The following MTMR6 variants were observed in gnomAD, a reference collection of about 807,000 sequenced individuals.
MTMR6 encodes the protein myotubularin related protein 6.
MTMR6 carries 47 observed loss-of-function variants against 80.1 expected under a neutral mutation model. The observed-to-expected ratio is 0.59, with a 90% CI of 0.46 to 0.75. The LOEUF is 0.75. Ranked by LOEUF, MTMR6 falls within the 30% of genes least tolerant of loss-of-function variation. The pLI is 0.00. For synonymous variants in MTMR6, 254 were observed against 253.0 expected, an observed-to-expected ratio of 1.00 and a Z score of -0.04; for missense variants, 629 against 730.9, an observed-to-expected ratio of 0.86 and a Z score of 1.61.
At position 25,274,059 on chromosome 13, in the gene MTMR6, G is replaced by A. The variant is rs373550606; in HGVS notation, c.141+12C>T. The A allele has an allele frequency of 8.2e-5, 118 of 1,430,318 alleles. No individual in the cohort carries two copies. The African/African-American group carries it at 1.1e-3, about 14-fold the overall frequency. 88.6% of individuals were successfully genotyped at this position (1,430,318 alleles called of 1,614,324 possible). On this transcript the variant is annotated intron_variant, in intron 2 of 13. Transcript: ENST00000381801. ...TTATTATGATAAATAGTACAGCTGC[G>A]GTCCTCCTTACCCAGGTTTCTTTTT...
In MTMR6 at chr13:25,261,303, TAAAAAAAAAAAAAAA is replaced by T. The variant is rs56833434; in HGVS notation, c.726+350_726+364del. Among the ~76,000 whole-genome samples, 291 of 40,896 alleles carry T rather than the reference TAAAAAAAAAAAAAAA, an allele frequency of 7.1e-3. 5 individuals are homozygous for T. Among genetic ancestry groups the T allele is most frequent in the African/African-American group, 0.023 (269 of 11,548 alleles). The allele number at this position is 40,896 out of a possible 152,430, so 26.8% of individuals were successfully genotyped here. A position where few individuals can be genotyped will look rare whatever the true frequency, so the allele number is the denominator to read the frequency against. On this transcript the variant is annotated intron_variant, in intron 6 of 13. Coordinates refer to ENST00000381801, the MANE Select transcript of MTMR6 (RefSeq NM_004685.5). ...AGGGTGACAGAGTGCAACTCTGTCTTAAAAAAAAAAAAAAAAAAAAAAAAAAAAAAGAATAGTAAC... is the reference window on the plus strand; with the variant it reads ...AGGGTGACAGAGTGCAACTCTGTCTTAAAAAAAAAAAAAAAGAATAGTAAC...
chr13:25,263,086 A>T (rs2137556581), intron 5 of MTMR6, among the ~76,000 whole-genome samples: 1 of 152,346 alleles, frequency 6.6e-6, no homozygotes, highest in South Asian at 2.1e-4. Context: ...ATAAAACCAC[A>T]GGGACAAAGA....
Position 25,261,660 on chromosome 13 carries a change from A to C in MTMR6, c.726+8T>G, listed in dbSNP as rs779203135. 6.2e-7 allele frequency: 1 copy of C among 1,605,698 alleles called. No individual in the cohort carries two copies. Among genetic ancestry groups the C allele is most frequent in the Non-Finnish European group, 8.5e-7 (1 of 1,175,494 alleles). Reference sequence around the variant, plus strand: ...ACTAGCAGACTGTACTGTATTTAAAATACATACTTTTGGCCTGGTATCCAT... The same window carrying C: ...ACTAGCAGACTGTACTGTATTTAAACTACATACTTTTGGCCTGGTATCCAT... On this transcript the variant is annotated splice_region_variant and intron_variant, in intron 6 of 13. Coordinates refer to ENST00000381801, the MANE Select transcript of MTMR6 (RefSeq NM_004685.5).
intron 2 of MTMR6, among the ~76,000 whole-genome samples, chr13:25,270,298 TATAAGGTTGA>T (rs1957543517): frequency 2.0e-5 from 3 of 152,190 alleles, no homozygotes; most frequent in Admixed American, 1.3e-4. Context: ...AGAAAAAGGA[TATAAGGTTGA>T]TACGGCCCCT....
At chr13:25,280,864 T>C (rs1330875977) in intron 1 of MTMR6, among the ~76,000 whole-genome samples, 4 of 152,202 alleles carry the variant, frequency 2.6e-5, no homozygotes, top group Admixed American at 6.5e-5. Context: ...GAATGGTAAA[T>C]GCCAACACAC....
intron 3 of MTMR6, 96 bp from the exon 4 acceptor site, chr13:25,266,382 C>A: frequency 9.4e-7 from 1 of 1,065,612 alleles, no homozygotes; most frequent in East Asian, 2.6e-5. Flanking sequence ...TCATTTTTCT[C>A]TTTACAATCT....
intron 11 of MTMR6, among the ~76,000 whole-genome samples, chr13:25,252,910 T>C (rs554458875): frequency 1.8e-4 from 27 of 152,286 alleles, no homozygotes; most frequent in Middle Eastern, 3.4e-3. Context: ...TTTACTCTGT[T>C]GGGAGTGTGA....
intron 6 of MTMR6, among the ~76,000 whole-genome samples, chr13:25,261,057 A>G (rs753171942): frequency 2.0e-5 from 3 of 152,042 alleles, no homozygotes; most frequent in African/African-American, 7.2e-5. Context: ...TAATCTCAAC[A>G]CTTTGGGAGG....
intron 1 of MTMR6, among the ~76,000 whole-genome samples, chr13:25,275,079 T>G (rs1593155445): frequency 1.3e-5 from 2 of 151,820 alleles, no homozygotes; most frequent in Non-Finnish European, 1.5e-5. Flanking sequence ...GCTGGGAATC[T>G]TTGTGTTATT....
intron 2 of MTMR6, 70 bp from the exon 3 acceptor site, chr13:25,268,011 G>GT: frequency 7.2e-7 from 1 of 1,398,006 alleles, no homozygotes; most frequent in Non-Finnish European, 9.6e-7. Flanking sequence ...GAATGCATAA[G>GT]TTTAAGAATG....
At chr13:25,261,932 C>T (rs2137552280) in intron 5 of MTMR6, 130 bp from the exon 6 acceptor site, 2 of 792,650 alleles carry the variant, frequency 2.5e-6, no homozygotes, top group Admixed American at 3.3e-5. Flanking sequence ...CTTTAAGATC[C>T]TCTTTGAATT....
intron 5 of MTMR6, 103 bp from the exon 6 acceptor site, chr13:25,261,905 T>C (rs140377640): frequency 1.9e-6 from 2 of 1,073,546 alleles, no homozygotes; most frequent in East Asian, 2.7e-5. Context: ...TCAAATATGA[T>C]AATTAGGAGG....
At position 25,249,226 on chromosome 13, in the gene MTMR6, A is replaced by G. The variant is rs1486609141; in HGVS notation, c.*6T>C. On this transcript the variant is annotated 3_prime_UTR_variant, in exon 14 of 14. Transcript: ENST00000381801. ...CTGCAATCATTGCAGAAAAAACTCT[A>G]TGAGTCTAACAAGTCATTCTTGCCA... 5.0e-6 allele frequency: 8 copies of G among 1,609,584 alleles called. No individual in the cohort carries two copies. The highest frequency in any genetic ancestry group is 6.8e-6 in the Non-Finnish European group (8 of 1,176,796).
At chr13:25,264,331 T>C (rs370283724) in intron 5 of MTMR6, among the ~76,000 whole-genome samples, 4 of 151,750 alleles carry the variant, frequency 2.6e-5, no homozygotes, top group African/African-American at 9.7e-5. Flanking sequence ...CAAAGCCCAA[T>C]TGTCAACTAA....
intron 1 of MTMR6, among the ~76,000 whole-genome samples, chr13:25,278,343 AGCACTTTGGGAG>A (rs1957771161): frequency 6.6e-6 from 1 of 152,188 alleles, no homozygotes; most frequent in African/African-American, 2.4e-5. Flanking sequence ...CTGTAATCTC[AGCACTTTGGGAG>A]GCAGAGGTAA....
At chr13:25,250,886 G>C in intron 13 of MTMR6, among the ~76,000 whole-genome samples, 1 of 151,968 alleles carries the variant, frequency 6.6e-6, no homozygotes, top group Middle Eastern at 3.2e-3. Context: ...GATAGTCTTT[G>C]GTATTTTTTC....
chr13:25,287,241 G>T lies in MTMR6; in HGVS notation c.7C>A (p.His3Asn), dbSNP rs1334003439. ME[H>N]IRTTKVEQVK... is the part of the protein sequence containing the mutation. ...CCGACTACCTTGGTCGTCCGGATAT[G>T]CTCCATCGCAAGGAGACGTCAGCCG... The change falls in exon 1 of 14, where the codon CAT becomes AAT. Residue 3 changes from histidine (H) to asparagine (N), a missense_variant. His to Asn is a moderately conservative substitution (Grantham distance 68). Coordinates refer to ENST00000381801, the MANE Select transcript of MTMR6 (RefSeq NM_004685.5). 1 of 1,596,994 alleles carries T rather than the reference G, an allele frequency of 6.3e-7. No homozygotes were observed. Among genetic ancestry groups the T allele is most frequent in the Non-Finnish European group, 8.5e-7 (1 of 1,174,360 alleles).
intron 2 of MTMR6, among the ~76,000 whole-genome samples, chr13:25,270,456 T>C (rs1276546502): frequency 8.5e-5 from 13 of 152,130 alleles, no homozygotes; most frequent in Non-Finnish European, 2.9e-5. Context: ...AGATATCTTT[T>C]TGTTGCCCCT....
At chr13:25,269,695 T>C (rs1450602880) in intron 2 of MTMR6, among the ~76,000 whole-genome samples, 1 of 151,942 alleles carries the variant, frequency 6.6e-6, no homozygotes, top group East Asian at 1.9e-4. Flanking sequence ...ATATTAATTA[T>C]ACATCTTAAA....
Sources: allele counts gnomAD v4.1 joint callset (sites outside exome capture counted in the v4.1 genomes callset), GRCh38; gene constraint gnomAD v4.1.1; transcripts MANE v1.5; gene names NCBI Gene and HGNC (gene_info 2026-07-23, HGNC 2026-07-21).